The following SHISA6 variants were observed in gnomAD, a reference collection of about 807,000 sequenced individuals.
SHISA6 encodes the protein protein shisa-6.
SHISA6 carries 22 observed loss-of-function variants against 47.9 expected under a neutral mutation model. That is an observed-to-expected ratio of 0.46 (90% CI 0.33 to 0.66). SHISA6 has a LOEUF of 0.66. Ranked by LOEUF, SHISA6 falls within the 30% of genes least tolerant of loss-of-function variation. The pLI is 0.02. For synonymous variants in SHISA6, 388 were observed against 337.8 expected, an observed-to-expected ratio of 1.15 and a Z score of -1.63; for missense variants, 680 against 764.6, an observed-to-expected ratio of 0.89 and a Z score of 1.30.
chr17:11,270,893 G>A (rs1341257906), intron 2 of SHISA6, among the ~76,000 whole-genome samples: 1 of 152,164 alleles, frequency 6.6e-6, no homozygotes, highest in African/African-American at 2.4e-5. Context: ...CCCTGCCAAT[G>A]TCAGGTCCCA....
chr17:11,553,886 A>G (rs1465022721), intron 4 of SHISA6, among the ~76,000 whole-genome samples: 2 of 152,214 alleles, frequency 1.3e-5, no homozygotes, highest in Non-Finnish European at 2.9e-5. Context: ...AAGATGGGAC[A>G]TTGGCACAGC....
rs974190583 is a variant in SHISA6, at chr17:11,519,772, C to G, written c.896-32124C>G. Among the ~76,000 whole-genome samples, 3 of 152,190 alleles carry G rather than the reference C, an allele frequency of 2.0e-5. No individual in the cohort carries two copies. The East Asian group carries it at 5.8e-4, about 29-fold the overall frequency. ...TTTCCACCTCCCCCACGCCAACAAG[C>G]CTGCTCCAGCTGAGGTCACCTTGAC... On this transcript the variant is annotated intron_variant, in intron 3 of 5. Coordinates refer to ENST00000441885, the MANE Select transcript of SHISA6 (RefSeq NM_207386.4).
chr17:11,401,178 A>G (rs1346727616), intron 3 of SHISA6, among the ~76,000 whole-genome samples: 1 of 152,060 alleles, frequency 6.6e-6, no homozygotes, highest in Non-Finnish European at 1.5e-5. Flanking sequence ...GCCTTATTCC[A>G]GATATGTAAG....
At chr17:11,267,785 G>A (rs975838051) in intron 2 of SHISA6, among the ~76,000 whole-genome samples, 4 of 152,168 alleles carry the variant, frequency 2.6e-5, no homozygotes, top group African/African-American at 9.7e-5. Flanking sequence ...TGAAGGGAGT[G>A]GAAGACTCAG....
At chr17:11,371,632 G>A (rs180868193) in intron 2 of SHISA6, among the ~76,000 whole-genome samples, 193 of 152,136 alleles carry the variant, frequency 1.3e-3, no homozygotes, top group African/African-American at 4.5e-3. Context: ...TTTACACATG[G>A]AAAAGTGGCC....
At chr17:11,491,761 T>C (rs1916488098) in intron 3 of SHISA6, among the ~76,000 whole-genome samples, 1 of 135,540 alleles carries the variant, frequency 7.4e-6, no homozygotes, top group Non-Finnish European at 1.6e-5. Context: ...AAAGGGAAGC[T>C]GGTGAAGTGT....
intron 3 of SHISA6, among the ~76,000 whole-genome samples, chr17:11,398,887 G>C (rs1181491858): frequency 6.6e-6 from 1 of 151,756 alleles, no homozygotes; most frequent in South Asian, 2.1e-4. Flanking sequence ...CACCACACCG[G>C]GTCCCAATAG....
intron 3 of SHISA6, among the ~76,000 whole-genome samples, chr17:11,539,479 C>G (rs1455883810): frequency 6.6e-6 from 1 of 152,240 alleles, no homozygotes; most frequent in African/African-American, 2.4e-5. Flanking sequence ...TACATGCAAA[C>G]ACATACATAT....
chr17:11,539,963 T>C (rs1464658913), intron 3 of SHISA6, among the ~76,000 whole-genome samples: 2 of 152,132 alleles, frequency 1.3e-5, no homozygotes, highest in African/African-American at 2.4e-5. Context: ...ACTGCATGCA[T>C]ATCCCCGCAG....
chr17:11,454,255 C>T lies in SHISA6; in HGVS notation c.895+74746C>T, dbSNP rs1915476345. Among the ~76,000 whole-genome samples the T allele has an allele frequency of 2.6e-5, 4 of 152,148 alleles. No individual in the cohort carries two copies. The South Asian group carries it at 8.3e-4, about 32-fold the overall frequency. On this transcript the variant is annotated intron_variant, in intron 3 of 5. Transcript: ENST00000441885. ...TAGCTTCCAATGCTCCCTCCTCCTC[C>T]ATCATCACTGCAGCCTCCTTGAAGT...
chr17:11,298,266 C>A (rs896765698), intron 2 of SHISA6, among the ~76,000 whole-genome samples: 12 of 152,166 alleles, frequency 7.9e-5, no homozygotes, highest in Non-Finnish European at 1.6e-4. Context: ...TAGCCTGGAA[C>A]CAGAAATATG....
chr17:11,545,792 C>G (rs1251117875), intron 3 of SHISA6, among the ~76,000 whole-genome samples: 2 of 152,196 alleles, frequency 1.3e-5, no homozygotes. Flanking sequence ...TCAACTGAGA[C>G]CTCAGCTGGG....
intron 4 of SHISA6, among the ~76,000 whole-genome samples, 183 bp from the exon 5 acceptor site, chr17:11,555,557 G>A (rs1053503458): frequency 6.6e-6 from 1 of 151,786 alleles, no homozygotes; most frequent in Non-Finnish European, 1.5e-5. Flanking sequence ...AACAGCATCT[G>A]CCCCTAGGCT....
intron 3 of SHISA6, among the ~76,000 whole-genome samples, chr17:11,470,606 C>A (rs1915912825): frequency 1.3e-5 from 2 of 152,078 alleles, no homozygotes; most frequent in South Asian, 4.1e-4. Context: ...CGTCCTCAGC[C>A]TCCACCAACA....
intron 3 of SHISA6, among the ~76,000 whole-genome samples, chr17:11,383,166 G>T (rs1913078999): frequency 6.6e-6 from 1 of 152,030 alleles, no homozygotes; most frequent in Non-Finnish European, 1.5e-5. Flanking sequence ...TCAAACTCCT[G>T]ACCTCAGGTG....
chr17:11,277,319 C>CACAT (rs1597435976), intron 2 of SHISA6, among the ~76,000 whole-genome samples: 1 of 142,714 alleles, frequency 7.0e-6, no homozygotes, highest in South Asian at 2.2e-4. Flanking sequence ...CACACACACA[C>CACAT]CCCGCATGTA....
intron 2 of SHISA6, among the ~76,000 whole-genome samples, chr17:11,354,836 G>C (rs2142223980): frequency 6.6e-6 from 1 of 152,282 alleles, no homozygotes; most frequent in Non-Finnish European, 1.5e-5. Flanking sequence ...GTGACGGAAG[G>C]CTCTCTTTCT....
chr17:11,352,618 T>C (rs1347309761), intron 2 of SHISA6, among the ~76,000 whole-genome samples: 2 of 152,126 alleles, frequency 1.3e-5, no homozygotes, highest in East Asian at 3.9e-4. Flanking sequence ...GTTGGGGCGA[T>C]TGGGGAACCA....
rs1233013206 is a variant in SHISA6, at chr17:11,244,280, G to A, written c.638+2220G>A. 3.9e-5 allele frequency among the ~76,000 whole-genome samples: 6 copies of A among 152,136 alleles called. No individual in the cohort carries two copies. The East Asian group carries it at 9.6e-4, about 24-fold the overall frequency. On this transcript the variant is annotated intron_variant, in intron 1 of 5. Transcript: ENST00000441885. ...CAGCAGCTGCAGTCTTGCCTGATCA[G>A]TGCTTTGGAAACCATCATATCCGTG...
Sources: gnomAD v4.1 joint callset for allele counts (sites outside exome capture counted in the v4.1 genomes callset) on GRCh38, gnomAD v4.1.1 for gene constraint, MANE v1.5 for transcripts, NCBI Gene and HGNC (gene_info 2026-07-23, HGNC 2026-07-21) for gene names.